The following CREBBP variants were observed in gnomAD, a reference collection of about 807,000 sequenced individuals.
CREBBP encodes the protein CREB-binding protein.
In CREBBP, 19 loss-of-function variants were observed where a neutral mutation model predicts 265.0. That is an observed-to-expected ratio of 0.07 (90% CI 0.05 to 0.11). The LOEUF (loss-of-function observed/expected upper bound fraction) is 0.11. CREBBP is among the 10% of genes least tolerant of loss of function. The probability of loss-of-function intolerance (pLI) is 1.00; values close to 1 mark genes in which losing one functional copy is unlikely to be tolerated. For missense variants in CREBBP, 2,525 were observed against 3,219.0 expected, an observed-to-expected ratio of 0.78 and a Z score of 5.22; for synonymous variants, 1,457 against 1,223.7, an observed-to-expected ratio of 1.19 and a Z score of -3.98.
intron 1 of CREBBP, among the ~76,000 whole-genome samples, chr16:3,863,713 C>G (rs183135533): frequency 6.6e-6 from 1 of 152,212 alleles, no homozygotes; most frequent in African/African-American, 2.4e-5. Context: ...ATTTGGTGCA[C>G]TTAGCAGTCA....
At chr16:3,801,687 C>G (rs1384136193) in intron 3 of CREBBP, among the ~76,000 whole-genome samples, 1 of 152,002 alleles carries the variant, frequency 6.6e-6, no homozygotes, top group African/African-American at 2.4e-5. Context: ...AACAGAAGAA[C>G]GGGGTAACAG....
intron 1 of CREBBP, among the ~76,000 whole-genome samples, chr16:3,861,818 T>C (rs79258092): frequency 0.043 from 6,573 of 151,748 alleles, 442 homozygotes; most frequent in African/African-American, 0.15. Flanking sequence ...CCTTCTAAAA[T>C]CTTCCGTAAT....
At chr16:3,745,143 TTTAGAA>T (rs1245680886) in intron 22 of CREBBP, 128 bp downstream of exon 22, 26 of 995,372 alleles carry the variant, frequency 2.6e-5, no homozygotes, top group Non-Finnish European at 3.7e-5. Flanking sequence ...AGAACTTAAA[TTTAGAA>T]CCAACTGCCA....
chr16:3,729,961 C>T (rs1284103291), intron 30 of CREBBP, 87 bp from the exon 31 acceptor site: 1 of 1,558,246 alleles, frequency 6.4e-7, no homozygotes, highest in Non-Finnish European at 8.6e-7. Context: ...ACCGCTAAGT[C>T]TGGGTCTGTG....
chr16:3,837,541 G>A (rs1173999364), intron 2 of CREBBP, among the ~76,000 whole-genome samples: 3 of 151,696 alleles, frequency 2.0e-5, no homozygotes, highest in East Asian at 1.9e-4. Flanking sequence ...GCTTGAACCC[G>A]GGAGGCGGAG....
At chr16:3,852,459 C>T (rs2054872888) in intron 1 of CREBBP, among the ~76,000 whole-genome samples, 1 of 152,096 alleles carries the variant, frequency 6.6e-6, no homozygotes, top group African/African-American at 2.4e-5. Flanking sequence ...GTGTGAGCCA[C>T]CGTGCCCGGC....
chr16:3,744,718 G>A (rs1055391105), intron 23 of CREBBP, among the ~76,000 whole-genome samples, 176 bp downstream of exon 23: 1 of 152,152 alleles, frequency 6.6e-6, no homozygotes, highest in Non-Finnish European at 1.5e-5. Context: ...GACTGGCCTG[G>A]CTCTCCTTAA....
rs2052317112 is a variant in CREBBP at position 3,745,359 on chromosome 16, G to C, written c.3837-5C>G. On this transcript the variant is annotated splice_region_variant and splice_polypyrimidine_tract_variant and intron_variant, in intron 21 of 30. Coordinates refer to ENST00000262367, the MANE Select transcript of CREBBP (RefSeq NM_004380.3). ...CACTCCTTGCAATCAACGAAACTAG[G>C]AGGCAAAGAAGGCGCACTGTTAAAG... is the stretch of plus-strand genomic sequence containing the variant. 6.2e-7 allele frequency: 1 copy of C among 1,613,918 alleles called. No homozygotes were observed. Among genetic ancestry groups the C allele is most frequent in the East Asian group, 2.2e-5 (1 of 44,884 alleles).
chr16:3,803,278 G>T lies in CREBBP; in HGVS notation c.975+7325C>A, dbSNP rs1415498772. 4.9e-4 allele frequency among the ~76,000 whole-genome samples: 18 copies of T among 36,370 alleles called. 3 individuals are homozygous for T. The East Asian group carries it at 0.012, about 25-fold the overall frequency. 23.9% of individuals were successfully genotyped at this position (36,370 alleles called of 152,430 possible). ...CTGACGGCGGGGAGGGGGGGGGGGG[G>T]GGTGGATCACGAGGTCAGGAGTTCA... On this transcript the variant is annotated intron_variant, in intron 3 of 30. Transcript: ENST00000262367.
Position 3,731,625 on chromosome 16 carries a change from G to A in CREBBP, c.4890+151C>T, listed in dbSNP as rs774773271. On this transcript the variant is annotated intron_variant, in intron 29 of 30. Coordinates refer to ENST00000262367, the MANE Select transcript of CREBBP (RefSeq NM_004380.3). This position sits in a 1 kb window ranked among gnomAD's most constrained non-coding sequence, Gnocchi z 7.7. ...TGGGATGGAACAAAATTGGTGACAC[G>A]TTGCATGATGTCACCCAACTGGTCC... is the stretch of plus-strand genomic sequence containing the variant. 8.6e-5 allele frequency: 119 copies of A among 1,383,198 alleles called. No homozygotes were observed. Among genetic ancestry groups the A allele is most frequent in the East Asian group, 3.9e-4 (17 of 43,700 alleles). 85.7% of individuals were successfully genotyped at this position (1,383,198 alleles called of 1,614,324 possible).
At position 3,864,374 on chromosome 16, in the gene CREBBP, T is replaced by C. The variant is rs140167652; in HGVS notation, c.86-13365A>G. Among the ~76,000 whole-genome samples, 966 of 152,282 alleles carry C rather than the reference T, an allele frequency of 6.3e-3. 10 individuals carry two copies. The highest frequency in any genetic ancestry group is 0.021 in the African/African-American group (874 of 41,558). ...AAAAAGTATGCCAGTACCAGGTATGTTGGCTCACACCTATAATCCTGGCAC... is the reference window on the plus strand; with the variant it reads ...AAAAAGTATGCCAGTACCAGGTATGCTGGCTCACACCTATAATCCTGGCAC... On this transcript the variant is annotated intron_variant, in intron 1 of 30. Coordinates refer to ENST00000262367, the MANE Select transcript of CREBBP (RefSeq NM_004380.3).
chr16:3,765,964 T>C (rs1344438773), intron 16 of CREBBP, among the ~76,000 whole-genome samples: 1 of 152,146 alleles, frequency 6.6e-6, no homozygotes, highest in African/African-American at 2.4e-5. Context: ...AATGCTGAGA[T>C]TACGGGTGTG....
intron 21 of CREBBP, among the ~76,000 whole-genome samples, chr16:3,746,634 G>A (rs2052349355): frequency 1.3e-5 from 2 of 152,154 alleles, no homozygotes; most frequent in African/African-American, 4.8e-5. Context: ...CCCATGTCAG[G>A]GGAAAGGAGT....
intron 16 of CREBBP, among the ~76,000 whole-genome samples, chr16:3,761,190 G>A (rs968654820): frequency 2.0e-5 from 3 of 151,722 alleles, no homozygotes; most frequent in African/African-American, 7.3e-5. Flanking sequence ...CTGACCTCAG[G>A]TGATGTGATC....
intron 1 of CREBBP, among the ~76,000 whole-genome samples, chr16:3,871,195 TCACTCACACACA>T (rs1292299420): frequency 6.6e-4 from 52 of 79,204 alleles, no homozygotes; most frequent in Middle Eastern, 7.6e-3. Flanking sequence ...TCTCTCTCTC[TCACTCACACACA>T]CACACACACA....
chr16:3,799,954 G>A (rs892637280), intron 3 of CREBBP, among the ~76,000 whole-genome samples: 2 of 152,206 alleles, frequency 1.3e-5, no homozygotes, highest in East Asian at 1.9e-4. Context: ...GGAAATTCCC[G>A]AGAAAACAAA....
At position 3,850,805 on chromosome 16, in the gene CREBBP, T is replaced by C; in HGVS notation, c.290A>G (p.Gln97Arg). 6.2e-7 allele frequency: 1 copy of C among 1,614,148 alleles called. No homozygotes were observed. The highest frequency in any genetic ancestry group is 8.5e-7 in the Non-Finnish European group (1 of 1,180,020). Residue 97 changes from glutamine (Q) to arginine (R), a missense_variant, in exon 2 of 31, where the codon CAG (glutamine) becomes CGG (arginine). Gln to Arg is a conservative substitution (Grantham distance 43). Transcript: ENST00000262367. Reference sequence around the variant, plus strand: ...CCCTTGAGCCTGGCCACCCAGGCCCTGCTGCACGGGGCTGCTGGCGCTCAC... The same window carrying C: ...CCCTTGAGCCTGGCCACCCAGGCCCCGCTGCACGGGGCTGCTGGCGCTCAC... ...GNVSASSPVQ[Q>R]GLGGQAQGQP...
At chr16:3,877,266 C>G (rs2055422151) in intron 1 of CREBBP, among the ~76,000 whole-genome samples, 1 of 152,188 alleles carries the variant, frequency 6.6e-6, no homozygotes, top group Admixed American at 6.5e-5. Context: ...AGGTCTGTCC[C>G]ACCTAACCAA....
At chr16:3,867,013 T>A (rs975970113) in intron 1 of CREBBP, among the ~76,000 whole-genome samples, 2 of 152,174 alleles carry the variant, frequency 1.3e-5, no homozygotes, top group African/African-American at 4.8e-5. Flanking sequence ...TTAACTAAAT[T>A]AACGAAAAGG....
Sources: gnomAD v4.1 joint callset for allele counts (sites outside exome capture counted in the v4.1 genomes callset) on GRCh38, gnomAD v4.1.1 for gene constraint, Gnocchi (gnomAD v3.1) non-coding constraint, MANE v1.5 for transcripts, NCBI Gene and HGNC (gene_info 2026-07-23, HGNC 2026-07-21) for gene names.